The following TRIQK variants were observed in gnomAD, a reference collection of about 807,000 sequenced individuals.
The protein encoded by TRIQK is triple QxxK/R motif containing.
A neutral mutation model predicts 10.8 loss-of-function variants in TRIQK; 10 were observed. The ratio of observed to expected loss-of-function variants is 0.92; its 90% CI spans 0.57 to 1.57. TRIQK has a LOEUF of 1.57. Among genes scored for constraint, TRIQK ranks in the 40% most tolerant of loss-of-function variants. The probability of loss-of-function intolerance (pLI) is 0.00; values close to 1 mark genes in which losing one functional copy is unlikely to be tolerated. For missense variants in TRIQK, 107 were observed against 97.7 expected (o/e 1.09, Z -0.40); for synonymous variants, 33 against 33.7 (o/e 0.98, Z 0.07).
At chr8:92,988,558 A>T (rs1813062101) in intron 1 of TRIQK, among the ~76,000 whole-genome samples, 7 of 152,170 alleles carry the variant, frequency 4.6e-5, no homozygotes, top group Admixed American at 4.6e-4. Flanking sequence ...TTACAATTTG[A>T]TCAGTGATTC....
At chr8:93,011,910 C>T (rs1197752043) in intron 1 of TRIQK, among the ~76,000 whole-genome samples, 1 of 152,130 alleles carries the variant, frequency 6.6e-6, no homozygotes, top group East Asian at 1.9e-4. Flanking sequence ...CACCACCCTC[C>T]TACTGCAAAT....
chr8:92,887,962 T>C (rs971871047), intron 4 of TRIQK, among the ~76,000 whole-genome samples: 1 of 151,692 alleles, frequency 6.6e-6, no homozygotes, highest in Non-Finnish European at 1.5e-5. Context: ...AAATCTAATA[T>C]ACCAATATAA....
At chr8:92,900,231 G>A (rs1457423123) in intron 3 of TRIQK, among the ~76,000 whole-genome samples, 4 of 152,004 alleles carry the variant, frequency 2.6e-5, no homozygotes, top group Non-Finnish European at 5.9e-5. Context: ...TTCCTTTGCT[G>A]TTCAGGAGCT....
chr8:92,888,114 A>G (rs544948119), intron 4 of TRIQK, among the ~76,000 whole-genome samples: 1 of 151,708 alleles, frequency 6.6e-6, no homozygotes, highest in South Asian at 2.1e-4. Context: ...CACAGCTACT[A>G]ATTTTAAGAG....
intron 2 of TRIQK, among the ~76,000 whole-genome samples, chr8:92,951,161 T>G (rs572979353): frequency 6.6e-6 from 1 of 152,144 alleles, no homozygotes; most frequent in East Asian, 1.9e-4. Flanking sequence ...ATTTTTGATC[T>G]GCAATTGCCT....
At chr8:92,937,489 T>A (rs1811049952) in intron 2 of TRIQK, among the ~76,000 whole-genome samples, 1 of 151,828 alleles carries the variant, frequency 6.6e-6, no homozygotes, top group Non-Finnish European at 1.5e-5. Context: ...ATTAAGATCA[T>A]TTTATTTAAT....
At chr8:92,911,221 C>T (rs762881128) in intron 3 of TRIQK, among the ~76,000 whole-genome samples, 60 of 149,586 alleles carry the variant, frequency 4.0e-4, no homozygotes, top group Non-Finnish European at 8.5e-4. Flanking sequence ...TCATGATAAC[C>T]ACAAAGAAAA....
chr8:92,957,991 A>C (rs921286807), intron 1 of TRIQK, among the ~76,000 whole-genome samples: 1 of 151,914 alleles, frequency 6.6e-6, no homozygotes, highest in Non-Finnish European at 1.5e-5. Flanking sequence ...CAGTATTTGA[A>C]AAAGCTTCAG....
At chr8:92,992,029 C>A in intron 1 of TRIQK, among the ~76,000 whole-genome samples, 1 of 152,130 alleles carries the variant, frequency 6.6e-6, no homozygotes, top group South Asian at 2.1e-4. Flanking sequence ...GGAAGAACTG[C>A]ACTCCAGCCT....
intron 1 of TRIQK, among the ~76,000 whole-genome samples, chr8:92,987,375 A>G (rs547960239): frequency 2.6e-5 from 4 of 152,206 alleles, no homozygotes; most frequent in Non-Finnish European, 5.9e-5. Context: ...TTAAAAACCA[A>G]CTAAAAGGAG....
intron 1 of TRIQK, among the ~76,000 whole-genome samples, chr8:92,961,360 G>A (rs1330017435): frequency 6.6e-6 from 1 of 151,608 alleles, no homozygotes; most frequent in African/African-American, 2.4e-5. Context: ...TTTTAAAACT[G>A]TACCTTCCCA....
intron 3 of TRIQK, among the ~76,000 whole-genome samples, chr8:92,898,240 T>C (rs1179932656): frequency 1.3e-5 from 2 of 152,104 alleles, no homozygotes; most frequent in Non-Finnish European, 2.9e-5. Flanking sequence ...TTTCAGTGAG[T>C]TTCCAGACTG....
intron 2 of TRIQK, among the ~76,000 whole-genome samples, chr8:92,941,770 A>G (rs1255930427): frequency 2.0e-5 from 3 of 152,320 alleles, no homozygotes; most frequent in South Asian, 2.1e-4. Context: ...AATCACAAAA[A>G]TGCAAAAGGT....
At chr8:92,920,147 T>C (rs1810098710) in intron 2 of TRIQK, among the ~76,000 whole-genome samples, 2 of 151,808 alleles carry the variant, frequency 1.3e-5, no homozygotes, top group Admixed American at 1.3e-4. Context: ...ATAAGTTTTA[T>C]GATTTTTATT....
chr8:92,970,847 T>C (rs948858967), upstream of TRIQK, among the ~76,000 whole-genome samples: 1 of 152,170 alleles, frequency 6.6e-6, no homozygotes, highest in African/African-American at 2.4e-5. Flanking sequence ...TTGCTTTTGA[T>C]CTTTTGTCAT....
Position 92,916,947 on chromosome 8 carries a change from G to C in TRIQK, c.43C>G (p.Gln15Glu), listed in dbSNP as rs1003429001. The C allele has an allele frequency of 6.6e-7, 1 of 1,503,796 alleles. No homozygotes were observed. Among genetic ancestry groups the C allele is most frequent in the African/African-American group, 1.4e-5 (1 of 71,266 alleles). 93.2% of individuals were successfully genotyped at this position (1,503,796 alleles called of 1,614,324 possible). Residue 15 changes from glutamine to glutamate, a missense_variant, in exon 3 of 5, where the codon CAG (glutamine) becomes GAG (glutamate). Gln to Glu is a conservative substitution (Grantham distance 29). Coordinates refer to ENST00000521988, the MANE Select transcript of TRIQK (RefSeq NM_001171797.2). ...TGCTTACCAATTTGTTTTCTGTACT[G>C]ATCAACAGGAAGTTTTATAGTAGCA... is the stretch of plus-strand genomic sequence containing the variant. ...DAATIKLPVD[Q>E]YRKQIGKQDY...
At chr8:92,898,862 TATATATATATAG>T (rs938203139) in intron 3 of TRIQK, among the ~76,000 whole-genome samples, 3 of 140,362 alleles carry the variant, frequency 2.1e-5, no homozygotes, top group African/African-American at 7.9e-5. Context: ...TATATATATA[TATATATATATAG>T]ATGGGGGTAC....
intron 2 of TRIQK, among the ~76,000 whole-genome samples, chr8:92,921,118 A>T (rs1810159117): frequency 6.6e-6 from 1 of 151,640 alleles, no homozygotes; most frequent in Non-Finnish European, 1.5e-5. Context: ...TGCAGGTATA[A>T]AGCAGTTATC....
intron 4 of TRIQK, among the ~76,000 whole-genome samples, chr8:92,891,615 T>G (rs939488278): frequency 6.6e-6 from 1 of 151,884 alleles, no homozygotes; most frequent in Admixed American, 6.6e-5. Flanking sequence ...ATGATCTCAG[T>G]ATATATAATT....
Sources: allele counts gnomAD v4.1 joint callset (sites outside exome capture counted in the v4.1 genomes callset), GRCh38; gene constraint gnomAD v4.1.1; transcripts MANE v1.5; gene names NCBI Gene and HGNC (gene_info 2026-07-23, HGNC 2026-07-21).